Variants in POLDIP2 observed in about 807,000 individuals in gnomAD.
POLDIP2 encodes DNA polymerase delta interacting protein 2.
A neutral mutation model predicts 52.9 loss-of-function variants in POLDIP2; 32 were observed. That is an observed-to-expected ratio of 0.61 (90% CI 0.46 to 0.81). The LOEUF (loss-of-function observed/expected upper bound fraction) is 0.81, where lower values mean the gene tolerates loss of function less well. POLDIP2 is among the 40% of genes least tolerant of loss of function. The pLI, the probability that POLDIP2 is intolerant of heterozygous loss-of-function variation, is 0.00. For synonymous variants in POLDIP2, 183 were observed against 183.0 expected (o/e 1.00, Z 0.00); for missense variants, 371 against 477.3 (o/e 0.78, Z 2.07).
rs2142398441 is a variant in POLDIP2, at chr17:28,353,765, G to C, written c.368C>G (p.Ser123Cys). Residue 123 changes from serine to cysteine, a missense_variant, in exon 4 of 11, where the codon TCC (serine) becomes TGC (cysteine). Coordinates refer to ENST00000540200, the MANE Select transcript of POLDIP2 (RefSeq NM_015584.5). ...EKAENPAGHG[S>C]KEVKGKTHTY... is the part of the protein sequence containing the mutation. ...GTGAGTTTTGCCTTTCACCTCCTTG[G>C]AGCCATGGCCAGCAGGGTTCTCTGC... The C allele has an allele frequency of 5.6e-6, 9 of 1,613,348 alleles. No homozygotes were observed. The East Asian group carries it at 2.0e-4, about 36-fold the overall frequency.
At chr17:28,349,020 T>C in intron 10 of POLDIP2, 63 bp downstream of exon 10, 1 of 1,198,412 alleles carries the variant, frequency 8.3e-7, no homozygotes, top group Non-Finnish European at 1.2e-6. Flanking sequence ...GCTCTCACTT[T>C]TCTGACCTAC....
chr17:28,346,796 G>T lies in POLDIP2; in HGVS notation c.*1321C>A, dbSNP rs998485185. 6.6e-6 allele frequency: 1 copy of T among 152,172 alleles called. No homozygotes were observed. Among genetic ancestry groups the T allele is most frequent in the African/African-American group, 2.4e-5 (1 of 41,436 alleles). 9.4% of individuals were successfully genotyped at this position (152,172 alleles called of 1,614,324 possible). Reference sequence around the variant, plus strand: ...GTATGGATGAAGGTCAGATTTTCTTGTCAGTTTCTGAGAAACCTGGCAGCC... The same window carrying T: ...GTATGGATGAAGGTCAGATTTTCTTTTCAGTTTCTGAGAAACCTGGCAGCC... On this transcript the variant is annotated 3_prime_UTR_variant, in exon 11 of 11. Transcript: ENST00000540200.
chr17:28,350,913 A>T (rs781827758), intron 7 of POLDIP2, 121 bp from the exon 8 acceptor site: 2 of 825,416 alleles, frequency 2.4e-6, no homozygotes, highest in East Asian at 5.3e-5. Context: ...AGCTGAGAGT[A>T]TCTGTGGGAT....
At position 28,347,969 on chromosome 17, in the gene POLDIP2, T is replaced by G. The variant is rs1198919408; in HGVS notation, c.*148A>C. The G allele has an allele frequency of 6.5e-6, 4 of 614,460 alleles. No homozygotes were observed. The highest frequency in any genetic ancestry group is 8.7e-6 in the Non-Finnish European group (3 of 344,612). 38.1% of individuals were successfully genotyped at this position (614,460 alleles called of 1,614,324 possible). On this transcript the variant is annotated 3_prime_UTR_variant, in exon 11 of 11. Coordinates refer to ENST00000540200, the MANE Select transcript of POLDIP2 (RefSeq NM_015584.5). ...ACATGGGTCTTCTGAAGAAAAGTTA[T>G]ACCACCCCTCCCCACAAAAAGAACC...
At chr17:28,354,797 G>A (rs1163587966) in intron 2 of POLDIP2, among the ~76,000 whole-genome samples, 1 of 152,112 alleles carries the variant, frequency 6.6e-6, no homozygotes, top group African/African-American at 2.4e-5. Flanking sequence ...AAAAGCTTAG[G>A]CCTCCAGGAA....
intron 9 of POLDIP2, among the ~76,000 whole-genome samples, chr17:28,349,686 C>T (rs199778039): frequency 1.1e-4 from 16 of 150,482 alleles, no homozygotes; most frequent in African/African-American, 2.0e-4. Flanking sequence ...CACATGCTGG[C>T]GGGGACCACG....
rs71135829 is a variant in POLDIP2, at chr17:28,353,520, C to CAAAAAAAAAAAAAAAAAAAAAAA, written c.438+174_438+175insTTTTTTTTTTTTTTTTTTTTTTT. Among the ~76,000 whole-genome samples the CAAAAAAAAAAAAAAAAAAAAAAA allele has an allele frequency of 1.5e-3, 84 of 54,726 alleles. 13 individuals are homozygous for CAAAAAAAAAAAAAAAAAAAAAAA. Among genetic ancestry groups the CAAAAAAAAAAAAAAAAAAAAAAA allele is most frequent in the East Asian group, 0.015 (7 of 474 alleles). 35.9% of individuals were successfully genotyped at this position (54,726 alleles called of 152,430 possible). ...CTGGCGACAGAGTGAGACTCCATATCAAAAAAAAAAAAAAAGACGTGAATC... is the reference window on the plus strand; with the variant it reads ...CTGGCGACAGAGTGAGACTCCATATCAAAAAAAAAAAAAAAAAAAAAAAAAAAAAAAAAAAAAAGACGTGAATC... On this transcript the variant is annotated intron_variant, in intron 4 of 10. Transcript: ENST00000540200.
At position 28,353,722 on chromosome 17, in the gene POLDIP2, C is replaced by T; in HGVS notation, c.411G>A (p.Leu137=). The change falls in exon 4 of 11, where the codon CTG becomes CTA. Residue 137 remains leucine (L), a synonymous_variant. Transcript: ENST00000540200. Reference sequence around the variant, plus strand: ...TATGTGGGCAGTCACGAGCATCAATCAGCACCTGATAGTAAGTGTGAGTTT... The same window carrying T: ...TATGTGGGCAGTCACGAGCATCAATTAGCACCTGATAGTAAGTGTGAGTTT... ...KGKTHTYYQV[L]IDARDCPHIS... 1.2e-6 allele frequency: 2 copies of T among 1,613,000 alleles called. No individual in the cohort carries two copies. The highest frequency in any genetic ancestry group is 1.7e-6 in the Non-Finnish European group (2 of 1,179,316).
chr17:28,350,800 G>T lies in POLDIP2; in HGVS notation c.760-8C>A. On this transcript the variant is annotated splice_region_variant and splice_polypyrimidine_tract_variant and intron_variant, in intron 7 of 10. Transcript: ENST00000540200. ...GTGGGAATTCTGGGCTTCCTAGGGA[G>T]AAAACAAAAAGAATTTAAGTCCCAC... 1 of 1,582,506 alleles carries T rather than the reference G, an allele frequency of 6.3e-7. No individual in the cohort carries two copies. Among genetic ancestry groups the T allele is most frequent in the Non-Finnish European group, 8.6e-7 (1 of 1,163,828 alleles).
chr17:28,349,312 T>C (rs1597798890), intron 9 of POLDIP2, 150 bp from the exon 10 acceptor site: 2 of 580,754 alleles, frequency 3.4e-6, no homozygotes. Context: ...ATGATACACT[T>C]CCTGCCAGTA....
chr17:28,353,362 AAG>A, intron 4 of POLDIP2, 46 bp from the exon 5 acceptor site: 1 of 1,081,006 alleles, frequency 9.3e-7, no homozygotes. Flanking sequence ...CTCTGCTAAA[AAG>A]TACAAAAATT....
At chr17:28,357,185 A>G in intron 1 of POLDIP2, 103 bp downstream of exon 1, 2 of 1,084,032 alleles carry the variant, frequency 1.8e-6, no homozygotes, top group Non-Finnish European at 2.5e-6. Context: ...GTCAAACTCC[A>G]GTCACCCTCA....
Position 28,350,522 on chromosome 17 carries a change from C to G in POLDIP2, c.828G>C (p.Val276=). The G allele has an allele frequency of 6.2e-7, 1 of 1,613,750 alleles. No homozygotes were observed. Among genetic ancestry groups the G allele is most frequent in the Non-Finnish European group, 8.5e-7 (1 of 1,179,732 alleles). ...TCCAGTGCCGCTCCCGGAGCTGTAC[C>G]ACATCACTGTCAAGGTTCTCCAAAC... ...CIRLENLDSD[V]VQLRERHWRI... Residue 276 remains valine, a synonymous_variant, in exon 9 of 11, where the codon GTG becomes GTC. Transcript: ENST00000540200.
chr17:28,351,782 C>T lies in POLDIP2; in HGVS notation c.641G>A (p.Arg214Gln), dbSNP rs781940556. The T allele has an allele frequency of 3.2e-5, 52 of 1,610,622 alleles. No homozygotes were observed. The African/African-American group carries it at 4.0e-4, about 12-fold the overall frequency. The change falls in exon 7 of 11, where the codon CGG becomes CAG. Residue 214 changes from arginine (R) to glutamine (Q), a missense_variant. Physicochemically the swap from Arg to Gln is conservative, Grantham distance 43 (BLOSUM62 1). Coordinates refer to ENST00000540200, the MANE Select transcript of POLDIP2 (RefSeq NM_015584.5). ...DQTKAPPFVA[R>Q]ETLRAWQEKN... Reference sequence around the variant, plus strand: ...CTCTTGCCAGGCCCTTAGCGTCTCCCGAGCCACAAAAGGAGGTGCTGGGGC... The same window carrying T: ...CTCTTGCCAGGCCCTTAGCGTCTCCTGAGCCACAAAAGGAGGTGCTGGGGC...
intron 10 of POLDIP2, 90 bp downstream of exon 10, chr17:28,348,993 T>G: frequency 1.2e-6 from 1 of 831,754 alleles, no homozygotes; most frequent in East Asian, 2.8e-5. Context: ...TGGCCCAGAG[T>G]TAATGGCAAG....
At position 28,354,524 on chromosome 17, in the gene POLDIP2, A is replaced by C. The variant is rs1177965184; in HGVS notation, c.305T>G (p.Leu102Arg). 31 of 1,561,312 alleles carry C rather than the reference A, an allele frequency of 2.0e-5. No individual in the cohort carries two copies. Among genetic ancestry groups the C allele is most frequent in the Non-Finnish European group, 2.6e-5 (30 of 1,152,676 alleles). The change falls in exon 3 of 11, where the codon CTG (leucine) becomes CGG (arginine). Residue 102 changes from leucine (L) to arginine (R), a missense_variant. Physicochemically the swap from Leu to Arg is moderately radical, Grantham distance 102 (BLOSUM62 -2). Coordinates refer to ENST00000540200, the MANE Select transcript of POLDIP2 (RefSeq NM_015584.5). ...TGCAGAAGCCACATCCCGGTCATAC[A>C]GTCTGGCCTGCCAGGGAAACAGGAC... is the stretch of plus-strand genomic sequence containing the variant. ...GVVLFPWQAR[L>R]YDRDVASAAP... is the part of the protein sequence containing the mutation.
chr17:28,353,520 C>CAAAGAAAAAAAAAAAA (rs1907897305), intron 4 of POLDIP2, among the ~76,000 whole-genome samples, 175 bp downstream of exon 4: 1 of 54,814 alleles, frequency 1.8e-5, no homozygotes, highest in Non-Finnish European at 3.0e-5. Flanking sequence ...GACTCCATAT[C>CAAAGAAAAAAAAAAAA]AAAAAAAAAA....
chr17:28,349,300 G>A, intron 9 of POLDIP2, 138 bp from the exon 10 acceptor site: 1 of 608,270 alleles, frequency 1.6e-6, no homozygotes, highest in Non-Finnish European at 2.9e-6. Flanking sequence ...CACTCCCATA[G>A]CATGATACAC....
intron 2 of POLDIP2, 142 bp downstream of exon 2, chr17:28,355,653 T>C: frequency 2.5e-6 from 1 of 406,658 alleles, no homozygotes; most frequent in East Asian, 3.9e-5. Flanking sequence ...AAAAAATGAA[T>C]ACAAATTTGA....
Sources: gnomAD v4.1 joint callset for allele counts (sites outside exome capture counted in the v4.1 genomes callset) on GRCh38, gnomAD v4.1.1 for gene constraint, MANE v1.5 for transcripts, NCBI Gene and HGNC (gene_info 2026-07-23, HGNC 2026-07-21) for gene names.